Variants in PRKG1 observed in about 807,000 individuals in gnomAD.
PRKG1 encodes cGMP-dependent protein kinase 1.
Under a neutral mutation model 88.1 loss-of-function variants are expected in PRKG1, and 35 were observed. The ratio of observed to expected loss-of-function variants is 0.40; its 90% CI spans 0.30 to 0.53. The LOEUF is 0.53. PRKG1 is among the 20% of genes least tolerant of loss of function. The probability of loss-of-function intolerance (pLI) is 0.59; values close to 1 mark genes in which losing one functional copy is unlikely to be tolerated. For missense variants in PRKG1, 540 were observed against 839.8 expected, an observed-to-expected ratio of 0.64 and a Z score of 4.41; for synonymous variants, 303 against 292.5, an observed-to-expected ratio of 1.04 and a Z score of -0.37.
chr10:51,884,444 CAAAAAAAAAAAAAAA>C lies in PRKG1; in HGVS notation c.699-23051_699-23037del, dbSNP rs57229967. ...TGGGCGACAGAGTGAAACTCCGTCT[CAAAAAAAAAAAAAAA>C]AAAAAAAAAAAGAAAAGTTTAGCTT... is the stretch of plus-strand genomic sequence containing the variant. On this transcript the variant is annotated intron_variant, in intron 4 of 17. Coordinates refer to ENST00000373980, the MANE Select transcript of PRKG1 (RefSeq NM_006258.4). Among the ~76,000 whole-genome samples the C allele has an allele frequency of 2.9e-5, 2 of 70,028 alleles. 1 individual carries two copies. Among genetic ancestry groups the C allele is most frequent in the Non-Finnish European group, 5.5e-5 (2 of 36,500 alleles). 45.9% of individuals were successfully genotyped at this position (70,028 alleles called of 152,430 possible). A position where few individuals can be genotyped will look rare whatever the true frequency, so the allele number is the denominator to read the frequency against.
At chr10:52,278,466 T>C (rs2132443614) in intron 12 of PRKG1, among the ~76,000 whole-genome samples, 1 of 152,302 alleles carries the variant, frequency 6.6e-6, no homozygotes, top group East Asian at 1.9e-4. Context: ...ACTGGGTATA[T>C]ACCCAAAGAT....
At chr10:52,101,291 C>T (rs1847287635) in intron 7 of PRKG1, among the ~76,000 whole-genome samples, 1 of 152,030 alleles carries the variant, frequency 6.6e-6, no homozygotes, top group Non-Finnish European at 1.5e-5. Flanking sequence ...ATCCGTTGGC[C>T]CCATACTTTA....
chr10:51,490,826 G>A (rs768661362), intron 3 of PRKG1, among the ~76,000 whole-genome samples: 17 of 152,092 alleles, frequency 1.1e-4, no homozygotes, highest in Non-Finnish European at 2.1e-4. Context: ...AAGCATAAAA[G>A]TGTCCATATT....
At chr10:52,015,078 C>T (rs1845003241) in intron 5 of PRKG1, among the ~76,000 whole-genome samples, 1 of 152,198 alleles carries the variant, frequency 6.6e-6, no homozygotes, top group Admixed American at 6.5e-5. Flanking sequence ...TCTCACAGCT[C>T]TTCTAGGCAG....
chr10:51,575,085 C>T (rs1211731581), intron 3 of PRKG1, among the ~76,000 whole-genome samples: 2 of 151,968 alleles, frequency 1.3e-5, no homozygotes, highest in African/African-American at 4.8e-5. Flanking sequence ...CCATTCACGG[C>T]TACAAGTGAG....
At chr10:51,584,396 A>G (rs1427954357) in intron 3 of PRKG1, among the ~76,000 whole-genome samples, 1 of 152,078 alleles carries the variant, frequency 6.6e-6, no homozygotes, top group African/African-American at 2.4e-5. Context: ...AACTTACAAA[A>G]TCATCTAAAA....
At chr10:51,107,646 A>G (rs1844871062) in intron 1 of PRKG1, among the ~76,000 whole-genome samples, 1 of 151,840 alleles carries the variant, frequency 6.6e-6, no homozygotes, top group Non-Finnish European at 1.5e-5. Flanking sequence ...CAACACAGTG[A>G]GACCCCATAT....
At chr10:51,406,633 T>C (rs1355937268) in intron 2 of PRKG1, among the ~76,000 whole-genome samples, 14 of 152,140 alleles carry the variant, frequency 9.2e-5, no homozygotes, top group African/African-American at 3.4e-4. Context: ...TTTTTTTTTT[T>C]TTTTTATGAG....
At chr10:51,604,727 G>A (rs1197243098) in intron 3 of PRKG1, among the ~76,000 whole-genome samples, 4 of 152,204 alleles carry the variant, frequency 2.6e-5, no homozygotes, top group African/African-American at 7.2e-5. Flanking sequence ...AAACCCTAGG[G>A]GGAGCATGCA....
At chr10:52,110,164 T>C (rs1300370114) in intron 7 of PRKG1, among the ~76,000 whole-genome samples, 1 of 151,746 alleles carries the variant, frequency 6.6e-6, no homozygotes, top group Non-Finnish European at 1.5e-5. Context: ...CTGGCTAACA[T>C]GGTGAAACCC....
At chr10:51,746,032 T>C (rs941736797) in intron 3 of PRKG1, among the ~76,000 whole-genome samples, 1 of 152,150 alleles carries the variant, frequency 6.6e-6, no homozygotes, top group African/African-American at 2.4e-5. Context: ...CTTTTTTAAA[T>C]AGAAACTAGG....
At chr10:51,189,207 T>C (rs938639872) in intron 2 of PRKG1, among the ~76,000 whole-genome samples, 1 of 151,952 alleles carries the variant, frequency 6.6e-6, no homozygotes, top group South Asian at 2.1e-4. Context: ...CCGTATATTC[T>C]TTATGGTACT....
chr10:51,852,337 C>CACACACACACATACATAGATAT (rs1171562441), intron 4 of PRKG1, among the ~76,000 whole-genome samples: 2 of 148,742 alleles, frequency 1.3e-5, no homozygotes, highest in African/African-American at 5.0e-5. Context: ...TATACATATA[C>CACACACACACATACATAGATAT]ACACACACAC....
intron 2 of PRKG1, among the ~76,000 whole-genome samples, chr10:51,208,311 T>C (rs962443617): frequency 3.9e-5 from 6 of 152,202 alleles, no homozygotes; most frequent in African/African-American, 1.4e-4. Flanking sequence ...ATTTGGTAAT[T>C]CCAATATGGT....
At chr10:51,676,141 C>T (rs1207121178) in intron 3 of PRKG1, among the ~76,000 whole-genome samples, 2 of 151,818 alleles carry the variant, frequency 1.3e-5, no homozygotes, top group African/African-American at 4.8e-5. Context: ...AAAAGACTTG[C>T]ATTGTTCAGT....
intron 3 of PRKG1, among the ~76,000 whole-genome samples, chr10:51,559,449 A>G (rs1712594922): frequency 6.6e-6 from 1 of 152,092 alleles, no homozygotes; most frequent in African/African-American, 2.4e-5. Flanking sequence ...TGCGTTAGAG[A>G]CTTGGAATCA....
chr10:51,561,115 G>T (rs543974604), intron 3 of PRKG1, among the ~76,000 whole-genome samples: 1 of 151,636 alleles, frequency 6.6e-6, no homozygotes, highest in East Asian at 1.9e-4. Flanking sequence ...AAAAGAAAAA[G>T]AAAAAAAGAA....
intron 2 of PRKG1, among the ~76,000 whole-genome samples, chr10:51,350,748 A>G (rs191514540): frequency 1.4e-4 from 22 of 152,344 alleles, no homozygotes; most frequent in African/African-American, 5.3e-4. Flanking sequence ...AGAAATCAAC[A>G]TACAAAAATC....
At chr10:52,035,771 A>G (rs1442567344) in intron 5 of PRKG1, among the ~76,000 whole-genome samples, 3 of 152,132 alleles carry the variant, frequency 2.0e-5, no homozygotes, top group Non-Finnish European at 4.4e-5. Context: ...TTTGGAAGTT[A>G]TGAGAACTGT....
Sources: gnomAD v4.1 joint callset for allele counts (sites outside exome capture counted in the v4.1 genomes callset) on GRCh38, gnomAD v4.1.1 for gene constraint, MANE v1.5 for transcripts, NCBI Gene and HGNC (gene_info 2026-07-23, HGNC 2026-07-21) for gene names.